The following HHIP variants were observed in gnomAD, a reference collection of about 807,000 sequenced individuals.
The protein encoded by HHIP is hedgehog-interacting protein.
In HHIP, 12 loss-of-function variants were observed where a neutral mutation model predicts 74.0. That is an observed-to-expected ratio of 0.16 (90% confidence interval 0.10 to 0.26). The LOEUF (loss-of-function observed/expected upper bound fraction) is 0.26, where lower values mean the gene tolerates loss of function less well. Among genes scored for constraint, HHIP ranks in the 10% least tolerant of loss-of-function variants. HHIP has a pLI of 1.00. For missense variants in HHIP, 788 were observed against 845.0 expected (o/e 0.93, Z 0.84); for synonymous variants, 309 against 311.6 (o/e 0.99, Z 0.09).
intron 4 of HHIP, among the ~76,000 whole-genome samples, chr4:144,702,162 A>C (rs1422686011): frequency 1.3e-5 from 2 of 152,150 alleles, no homozygotes; most frequent in Non-Finnish European, 2.9e-5. Context: ...AAAAAAAGAA[A>C]AGAAAAAAAT....
chr4:144,741,814 G>A lies in HHIP; in HGVS notation c.*3857G>A, dbSNP rs1731269245. On this transcript the variant is annotated 3_prime_UTR_variant, in exon 13 of 13. Transcript: ENST00000296575. Reference sequence around the variant, plus strand: ...TAAACTTTTATTAGTCTAACTTTCTGTTAAGTCTCTTAGCTTTGAAACATA... The same window carrying A: ...TAAACTTTTATTAGTCTAACTTTCTATTAAGTCTCTTAGCTTTGAAACATA... The A allele has an allele frequency of 6.6e-6, 1 of 152,054 alleles. No homozygotes were observed. 9.4% of individuals were successfully genotyped at this position (152,054 alleles called of 1,614,324 possible). A position where few individuals can be genotyped will look rare whatever the true frequency, so the allele number is the denominator to read the frequency against.
At position 144,738,387 on chromosome 4, in the gene HHIP, T is replaced by A. The variant is rs1731181203; in HGVS notation, c.*430T>A. 3 of 970,482 alleles carry A rather than the reference T, an allele frequency of 3.1e-6. No homozygotes were observed. The highest frequency in any genetic ancestry group is 3.7e-6 in the Non-Finnish European group (3 of 816,040). 60.1% of individuals were successfully genotyped at this position (970,482 alleles called of 1,614,324 possible). On this transcript the variant is annotated 3_prime_UTR_variant, in exon 13 of 13. Coordinates refer to ENST00000296575, the MANE Select transcript of HHIP (RefSeq NM_022475.3). The stretch of plus-strand genomic sequence containing the variant: ...ATGGATCTAATTAAAAAAAAGGCAA[T>A]ATTTTTATATTAAAGTACTATACTA...
chr4:144,662,141 C>A (rs1728732390), intron 4 of HHIP, among the ~76,000 whole-genome samples: 1 of 152,154 alleles, frequency 6.6e-6, no homozygotes, highest in Admixed American at 6.5e-5. Context: ...TTTAAAAAAT[C>A]TGGAATTCCT....
At chr4:144,709,525 C>T (rs1730232117) in intron 7 of HHIP, among the ~76,000 whole-genome samples, 1 of 152,178 alleles carries the variant, frequency 6.6e-6, no homozygotes, top group Admixed American at 6.5e-5. Flanking sequence ...AGCCTCCCCA[C>T]CTCTGGTGGC....
Position 144,706,548 on chromosome 4 carries a change from A to T in HHIP, c.849A>T (p.Gly283=), listed in dbSNP as rs767791881. 14 of 1,609,988 alleles carry T rather than the reference A, an allele frequency of 8.7e-6. No homozygotes were observed. Among genetic ancestry groups the T allele is most frequent in the Non-Finnish European group, 8.5e-6 (10 of 1,178,526 alleles). The stretch of plus-strand genomic sequence containing the variant: ...GACTGCAGGGAGGAGATGAAAGAGG[A>T]CTGCTAAGCCTCGCATTCCATCCCA... ...QSGIKGGDER[G]LLSLAFHPNY... is the part of the protein sequence containing the mutation. The change falls in exon 5 of 13, where the codon GGA becomes GGT. Residue 283 remains glycine, a synonymous_variant. Coordinates refer to ENST00000296575, the MANE Select transcript of HHIP (RefSeq NM_022475.3).
chr4:144,653,853 T>C (rs1728491254), intron 2 of HHIP, among the ~76,000 whole-genome samples: 1 of 152,152 alleles, frequency 6.6e-6, no homozygotes, highest in Admixed American at 6.6e-5. Context: ...TCTAAACCCA[T>C]TCAATATGAA....
intron 12 of HHIP, 122 bp downstream of exon 12, chr4:144,735,011 C>A: frequency 1.2e-6 from 1 of 861,312 alleles, no homozygotes; most frequent in Non-Finnish European, 1.7e-6. Context: ...TAGCCATTTA[C>A]AATACTATTA....
At chr4:144,660,653 G>A (rs1298529919) in intron 4 of HHIP, among the ~76,000 whole-genome samples, 1 of 151,126 alleles carries the variant, frequency 6.6e-6, no homozygotes, top group African/African-American at 2.4e-5. Flanking sequence ...TTCTTGCTTT[G>A]TTGTGCTGTA....
intron 4 of HHIP, among the ~76,000 whole-genome samples, chr4:144,688,558 T>C (rs1228542509): frequency 2.0e-5 from 3 of 152,204 alleles, no homozygotes; most frequent in Admixed American, 6.5e-5. Flanking sequence ...TTAGAACTTA[T>C]GGGGAAGAGT....
At chr4:144,676,675 T>A (rs1017764894) in intron 4 of HHIP, among the ~76,000 whole-genome samples, 2 of 152,240 alleles carry the variant, frequency 1.3e-5, no homozygotes, top group Middle Eastern at 3.4e-3. Context: ...GAAGGTAGTT[T>A]CCCCACAGGA....
intron 4 of HHIP, among the ~76,000 whole-genome samples, chr4:144,677,341 T>C (rs1265576877): frequency 6.6e-6 from 1 of 152,216 alleles, no homozygotes; most frequent in Non-Finnish European, 1.5e-5. Flanking sequence ...TCCCCCGTGT[T>C]GGCTTCATTT....
intron 11 of HHIP, among the ~76,000 whole-genome samples, chr4:144,721,902 C>T (rs76794989): frequency 2.1e-5 from 2 of 95,608 alleles, no homozygotes; most frequent in Non-Finnish European, 4.4e-5. Flanking sequence ...GACTCTGTCT[C>T]AAAAAAAAAA....
chr4:144,690,672 GC>G (rs950711118), intron 4 of HHIP, among the ~76,000 whole-genome samples: 17 of 152,160 alleles, frequency 1.1e-4, no homozygotes, highest in African/African-American at 4.1e-4. Context: ...GTGTCTCATG[GC>G]CCCTGATAAA....
At chr4:144,714,686 CTGTATA>C (rs1232493085) in intron 9 of HHIP, among the ~76,000 whole-genome samples, 2 of 151,958 alleles carry the variant, frequency 1.3e-5, no homozygotes, top group Non-Finnish European at 2.9e-5. Context: ...GTTTTACTTG[CTGTATA>C]AATATTTTAA....
At chr4:144,680,213 T>C (rs1415069528) in intron 4 of HHIP, among the ~76,000 whole-genome samples, 1 of 152,178 alleles carries the variant, frequency 6.6e-6, no homozygotes, top group Non-Finnish European at 1.5e-5. Flanking sequence ...ACTAAAAACA[T>C]GCTTATGTCC....
chr4:144,738,872 A>G lies in HHIP; in HGVS notation c.*915A>G, dbSNP rs1731195189. 1 of 170,708 alleles carries G rather than the reference A, an allele frequency of 5.9e-6. No individual in the cohort carries two copies. Among genetic ancestry groups the G allele is most frequent in the South Asian group, 1.9e-4 (1 of 5,192 alleles). The allele number at this position is 170,708 out of a possible 1,614,324, so 10.6% of individuals were successfully genotyped here. A position where few individuals can be genotyped will look rare whatever the true frequency, so the allele number is the denominator to read the frequency against. On this transcript the variant is annotated 3_prime_UTR_variant, in exon 13 of 13. Transcript: ENST00000296575. ...CAAGGTATCCTTGTGCCAACATGTA[A>G]TCATTAACGACGGATGAAAAAGCAA...
chr4:144,683,363 T>A (rs1729398037), intron 4 of HHIP, among the ~76,000 whole-genome samples: 1 of 152,216 alleles, frequency 6.6e-6, no homozygotes, highest in Non-Finnish European at 1.5e-5. Flanking sequence ...AGTTTCTGAA[T>A]ATAAAATTGA....
chr4:144,739,189 T>C lies in HHIP; in HGVS notation c.*1232T>C, dbSNP rs1452213138. 1 of 152,256 alleles carries C rather than the reference T, an allele frequency of 6.6e-6. No individual in the cohort carries two copies. Among genetic ancestry groups the C allele is most frequent in the Non-Finnish European group, 1.5e-5 (1 of 68,042 alleles). 9.4% of individuals were successfully genotyped at this position (152,256 alleles called of 1,614,324 possible). The stretch of plus-strand genomic sequence containing the variant: ...ATCAATAAATTTTCTGTAAATGTTC[T>C]GTTCAGGGTTTTACAGAGATGACAT... On this transcript the variant is annotated 3_prime_UTR_variant, in exon 13 of 13. Transcript: ENST00000296575.
At chr4:144,697,460 T>C (rs890329375) in intron 4 of HHIP, among the ~76,000 whole-genome samples, 7 of 152,104 alleles carry the variant, frequency 4.6e-5, no homozygotes, top group South Asian at 4.1e-4. Context: ...CTGATGCGTA[T>C]TGAGCCAGAT....
Sources: allele counts gnomAD v4.1 joint callset (sites outside exome capture counted in the v4.1 genomes callset), GRCh38; gene constraint gnomAD v4.1.1; transcripts MANE v1.5; gene names NCBI Gene and HGNC (gene_info 2026-07-23, HGNC 2026-07-21).